The following NREP variants were observed in gnomAD, a reference collection of about 807,000 sequenced individuals.
The protein encoded by NREP is neuronal regeneration-related protein.
A neutral mutation model predicts 8.6 loss-of-function variants in NREP; 5 were observed. The ratio of observed to expected loss-of-function variants is 0.58; its 90% CI spans 0.30 to 1.22. The LOEUF is 1.22. Ranked by LOEUF, NREP falls within the 50% of genes most tolerant of loss-of-function variation. The pLI is 0.07. For synonymous variants in NREP, 27 were observed against 28.0 expected (o/e 0.96, Z 0.11); for missense variants, 86 against 82.5 (o/e 1.04, Z -0.17).
chr5:111,826,880 A>G (rs1435336671), intron 2 of NREP, among the ~76,000 whole-genome samples: 2 of 152,176 alleles, frequency 1.3e-5, no homozygotes, highest in African/African-American at 4.8e-5. Context: ...GGAAGAAGGT[A>G]AGTTGAAAGA....
chr5:111,929,248 TATG>T (rs995003582), intron 2 of NREP, among the ~76,000 whole-genome samples: 1 of 152,218 alleles, frequency 6.6e-6, no homozygotes, highest in African/African-American at 2.4e-5. Context: ...TTAATTGTGA[TATG>T]ATATGAATAT....
chr5:111,762,175 C>T (rs1356835864), upstream of NREP, among the ~76,000 whole-genome samples: 1 of 152,082 alleles, frequency 6.6e-6, no homozygotes, highest in Non-Finnish European at 1.5e-5. Context: ...GTTCAGAAAG[C>T]ACAGGAGATT....
At chr5:111,885,577 C>G (rs1331263559) in intron 2 of NREP, among the ~76,000 whole-genome samples, 2 of 152,088 alleles carry the variant, frequency 1.3e-5, no homozygotes, top group Non-Finnish European at 2.9e-5. Flanking sequence ...AACTATACTA[C>G]AAGGCTACAG....
At chr5:111,968,932 G>C (rs1012675301) in intron 2 of NREP, among the ~76,000 whole-genome samples, 1 of 152,190 alleles carries the variant, frequency 6.6e-6, no homozygotes, top group East Asian at 1.9e-4. Context: ...CCTCAGCCAG[G>C]TGGATGTAAA....
At chr5:111,797,564 G>A (rs1751902897) in intron 2 of NREP, among the ~76,000 whole-genome samples, 1 of 152,166 alleles carries the variant, frequency 6.6e-6, no homozygotes, top group Non-Finnish European at 1.5e-5. Context: ...TAATATTGCT[G>A]GATCTCTTAG....
chr5:111,840,902 G>A (rs1561688800), intron 2 of NREP, among the ~76,000 whole-genome samples: 1 of 152,236 alleles, frequency 6.6e-6, no homozygotes, highest in East Asian at 1.9e-4. Flanking sequence ...AAGAGAAAGA[G>A]ATTTGCCTAA....
intron 2 of NREP, among the ~76,000 whole-genome samples, chr5:111,793,381 G>A (rs1429821990): frequency 1.3e-5 from 2 of 152,166 alleles, no homozygotes; most frequent in Non-Finnish European, 2.9e-5. Flanking sequence ...GTGATAAGGT[G>A]TGAGTCCTGG....
chr5:111,757,606 C>G (rs537232256), upstream of NREP: 449 of 983,594 alleles, frequency 4.6e-4, no homozygotes, highest in Non-Finnish European at 4.8e-4. Flanking sequence ...GAGCGGCCAA[C>G]AGGCGCGCGC....
chr5:111,974,802 T>C (rs1485133079), intron 2 of NREP, among the ~76,000 whole-genome samples: 1 of 152,230 alleles, frequency 6.6e-6, no homozygotes, highest in African/African-American at 2.4e-5. Context: ...AAAATGATAG[T>C]TGGCAACATC....
At chr5:111,872,601 G>A (rs780453394) in intron 2 of NREP, among the ~76,000 whole-genome samples, 3 of 152,132 alleles carry the variant, frequency 2.0e-5, no homozygotes, top group Admixed American at 6.6e-5. Context: ...AGGAGAGTGT[G>A]TTGTCTGGAA....
At position 111,879,450 on chromosome 5, in the gene NREP, A is replaced by G. The variant is rs114040284; in HGVS notation, c.135+95824T>C. Among the ~76,000 whole-genome samples, 813 of 152,344 alleles carry G rather than the reference A, an allele frequency of 5.3e-3. 5 individuals are homozygous for G. The highest frequency in any genetic ancestry group is 0.018 in the African/African-American group (754 of 41,578). ...AAAATTGCAGTATGTTAAGTGCTCA[A>G]TGATAAGGATAAATTCAAAGCATAG... On this transcript the variant is annotated intron_variant, in intron 2 of 3. Transcript: ENST00000395634.
At chr5:111,814,254 T>C (rs1224100817) in intron 2 of NREP, among the ~76,000 whole-genome samples, 1 of 152,158 alleles carries the variant, frequency 6.6e-6, no homozygotes, top group East Asian at 1.9e-4. Flanking sequence ...AGTTAAAATA[T>C]GCAAAGAGAG....
chr5:111,854,239 T>A (rs1156606392), intron 2 of NREP, among the ~76,000 whole-genome samples: 1 of 152,228 alleles, frequency 6.6e-6, no homozygotes, highest in Non-Finnish European at 1.5e-5. Context: ...GTGAAAAATC[T>A]GGCCACAAGC....
At chr5:111,844,257 C>A (rs1370129227) in intron 2 of NREP, among the ~76,000 whole-genome samples, 1 of 151,892 alleles carries the variant, frequency 6.6e-6, no homozygotes, top group Non-Finnish European at 1.5e-5. Flanking sequence ...GAATATTTGA[C>A]ATAAAATTCT....
chr5:111,772,122 T>C lies in NREP; in HGVS notation c.136-36615A>G, dbSNP rs540700352. Among the ~76,000 whole-genome samples, 29 of 152,288 alleles carry C rather than the reference T, an allele frequency of 1.9e-4. No individual in the cohort carries two copies. In the South Asian group the frequency reaches 5.8e-3, roughly 30 times the overall value. Reference sequence around the variant, plus strand: ...TTCCTTCAGTACTAACATTCTAAAATCCTATAACTCTACAGCTTGAAATGT... The same window carrying C: ...TTCCTTCAGTACTAACATTCTAAAACCCTATAACTCTACAGCTTGAAATGT... On this transcript the variant is annotated intron_variant, in intron 2 of 3. Transcript: ENST00000395634.
upstream of NREP, among the ~76,000 whole-genome samples, chr5:111,762,446 C>A (rs985954619): frequency 1.3e-5 from 2 of 151,806 alleles, no homozygotes; most frequent in Non-Finnish European, 2.9e-5. Flanking sequence ...AATTGTGTCC[C>A]CTCCCCCCAC....
chr5:111,858,808 T>C (rs1753482291), intron 2 of NREP, among the ~76,000 whole-genome samples: 2 of 152,094 alleles, frequency 1.3e-5, no homozygotes, highest in Non-Finnish European at 2.9e-5. Context: ...ACAAGATTCC[T>C]CTACCATTAT....
At chr5:111,962,025 T>C (rs1479500633) in intron 2 of NREP, among the ~76,000 whole-genome samples, 1 of 152,136 alleles carries the variant, frequency 6.6e-6, no homozygotes, top group African/African-American at 2.4e-5. Flanking sequence ...TCCAGTCAAG[T>C]GTTGAGTGAC....
At chr5:111,934,683 T>C (rs1021255409) in intron 2 of NREP, among the ~76,000 whole-genome samples, 1 of 152,104 alleles carries the variant, frequency 6.6e-6, no homozygotes, top group African/African-American at 2.4e-5. Flanking sequence ...CTACATTACT[T>C]GCTGTCTTAA....
Sources: gnomAD v4.1 joint callset for allele counts (sites outside exome capture counted in the v4.1 genomes callset) on GRCh38, gnomAD v4.1.1 for gene constraint, MANE v1.5 for transcripts, NCBI Gene and HGNC (gene_info 2026-07-23, HGNC 2026-07-21) for gene names.